The following TNRC6B variants were observed in gnomAD, a reference collection of about 807,000 sequenced individuals.
The protein encoded by TNRC6B is trinucleotide repeat containing adaptor 6B.
TNRC6B carries 52 observed loss-of-function variants against 203.6 expected under a neutral mutation model. The observed-to-expected ratio is 0.26, with a 90% CI of 0.20 to 0.32. TNRC6B has a LOEUF of 0.32. Ranked by LOEUF, TNRC6B falls within the 10% of genes least tolerant of loss-of-function variation. The pLI, the probability that TNRC6B is intolerant of heterozygous loss-of-function variation, is 1.00. For missense variants in TNRC6B, 1,923 were observed against 2,286.2 expected, an observed-to-expected ratio of 0.84 and a Z score of 3.24; for synonymous variants, 838 against 845.7, an observed-to-expected ratio of 0.99 and a Z score of 0.16.
Position 40,266,534 on chromosome 22 carries a change from T to C in TNRC6B, c.2304T>C (p.Pro768=). The C allele has an allele frequency of 6.2e-7, 1 of 1,613,646 alleles. No homozygotes were observed. Among genetic ancestry groups the C allele is most frequent in the Admixed American group, 1.7e-5 (1 of 59,976 alleles). The change falls in exon 5 of 23, where the codon CCT becomes CCC. Residue 768 remains proline (P), a synonymous_variant. Transcript: ENST00000454349. ...ATTGGGAAAGTTCTGCAAGTAAACC[T>C]GTGTCTGGGTGGGGTGAAGGAGGGC... The part of the protein sequence containing the change: ...NSNWESSASK[P]VSGWGEGGQN...
intron 4 of TNRC6B, among the ~76,000 whole-genome samples, chr22:40,165,974 GTT>G (rs1295317957): frequency 8.6e-5 from 13 of 151,918 alleles, no homozygotes; most frequent in African/African-American, 3.1e-4. Context: ...TTTTGTTGTT[GTT>G]TTGTTTTGTT....
chr22:40,149,857 G>A (rs1455076043), intron 3 of TNRC6B, among the ~76,000 whole-genome samples: 1 of 151,920 alleles, frequency 6.6e-6, no homozygotes, highest in East Asian at 1.9e-4. Flanking sequence ...GAAGTACAGT[G>A]GTGCCATCAT....
At chr22:40,210,541 T>G (rs963994395) in intron 1 of TNRC6B, among the ~76,000 whole-genome samples, 2 of 152,234 alleles carry the variant, frequency 1.3e-5, no homozygotes, top group East Asian at 3.8e-4. Context: ...TGGTAAAAAT[T>G]ATTTTCTTTA....
intron 2 of TNRC6B, among the ~76,000 whole-genome samples, chr22:40,120,968 G>A (rs2068438996): frequency 6.6e-6 from 1 of 152,162 alleles, no homozygotes; most frequent in Non-Finnish European, 1.5e-5. Flanking sequence ...AAAAGGGCTG[G>A]ACTATGCAAG....
chr22:40,179,371 A>G (rs1043521279), intron 1 of TNRC6B, among the ~76,000 whole-genome samples: 2 of 151,860 alleles, frequency 1.3e-5, no homozygotes, highest in African/African-American at 4.8e-5. Flanking sequence ...CCCCCTGAGC[A>G]CATCCCTGGC....
intron 1 of TNRC6B, among the ~76,000 whole-genome samples, chr22:40,052,349 A>T (rs182442380): frequency 3.4e-4 from 51 of 152,210 alleles, no homozygotes; most frequent in African/African-American, 1.2e-3. Flanking sequence ...AACCAATAAG[A>T]ATCGGTGTCT....
chr22:40,317,349 G>A (rs538124905), intron 21 of TNRC6B, among the ~76,000 whole-genome samples: 2 of 152,320 alleles, frequency 1.3e-5, no homozygotes, highest in South Asian at 2.1e-4. Context: ...GGAGGCCAAG[G>A]TGGATGGATC....
intron 12 of TNRC6B, 106 bp from the exon 13 acceptor site, chr22:40,300,349 A>C: frequency 8.9e-7 from 1 of 1,126,328 alleles, no homozygotes; most frequent in Non-Finnish European, 1.2e-6. Context: ...AAGTTTGACA[A>C]CTCTTGCTTT....
At chr22:40,144,871 T>C (rs1010865267) in intron 3 of TNRC6B, among the ~76,000 whole-genome samples, 1 of 151,804 alleles carries the variant, frequency 6.6e-6, no homozygotes, top group African/African-American at 2.4e-5. Context: ...CATGTAGAAG[T>C]TTTCTGGGGA....
intron 3 of TNRC6B, among the ~76,000 whole-genome samples, chr22:40,154,077 A>G (rs1476313658): frequency 6.6e-6 from 1 of 151,860 alleles, no homozygotes; most frequent in Non-Finnish European, 1.5e-5. Context: ...TTGAACTCCT[A>G]GGCTCAATTG....
At chr22:40,268,209 C>T (rs1161816847) in intron 5 of TNRC6B, among the ~76,000 whole-genome samples, 4 of 152,156 alleles carry the variant, frequency 2.6e-5, no homozygotes, top group East Asian at 3.9e-4. Flanking sequence ...CCTCAGCCTC[C>T]TGAGTAGTTG....
intron 1 of TNRC6B, among the ~76,000 whole-genome samples, chr22:40,075,206 A>G (rs186006032): frequency 7.2e-5 from 7 of 96,858 alleles, no homozygotes; most frequent in Non-Finnish European, 1.4e-4. Flanking sequence ...CTACATTGAT[A>G]TAATGTAGTT....
chr22:40,148,068 T>C, intron 3 of TNRC6B, among the ~76,000 whole-genome samples: 1 of 152,138 alleles, frequency 6.6e-6, no homozygotes, highest in Admixed American at 6.6e-5. Context: ...ATTTTTTAAA[T>C]GGCCAAAAGA....
In TNRC6B at chr22:40,247,274, G is replaced by C. The variant is rs1273300495; in HGVS notation, c.93+1172G>C. ...GAAAGGTTCGAGGGTCCCTGCCCTG[G>C]TGCTAGTTAATTGAAGCTAAGTTTA... On this transcript the variant is annotated intron_variant, in intron 2 of 22. Transcript: ENST00000454349. 2.0e-5 allele frequency among the ~76,000 whole-genome samples: 3 copies of C among 152,156 alleles called. No homozygotes were observed. The East Asian group carries it at 5.8e-4, about 29-fold the overall frequency.
At chr22:40,248,958 G>A (rs920618463) in intron 2 of TNRC6B, among the ~76,000 whole-genome samples, 6 of 152,126 alleles carry the variant, frequency 3.9e-5, no homozygotes, top group South Asian at 2.1e-4. Context: ...GATTATCTTC[G>A]TGGTTTCCAA....
intron 1 of TNRC6B, among the ~76,000 whole-genome samples, chr22:40,100,944 A>T (rs999819570): frequency 6.6e-6 from 1 of 151,600 alleles, no homozygotes; most frequent in African/African-American, 2.4e-5. Context: ...CATTCTCAGC[A>T]GGTCCCCAAG....
chr22:40,212,411 G>A (rs901845108), intron 1 of TNRC6B, among the ~76,000 whole-genome samples: 7 of 152,214 alleles, frequency 4.6e-5, no homozygotes, highest in African/African-American at 1.4e-4. Context: ...ACATAGTGCT[G>A]TTAGCACTCT....
At chr22:40,153,041 C>T (rs955292495) in intron 3 of TNRC6B, among the ~76,000 whole-genome samples, 1 of 151,922 alleles carries the variant, frequency 6.6e-6, no homozygotes, top group African/African-American at 2.4e-5. Context: ...GGGGAGGCTG[C>T]AATGAGCCAA....
intron 1 of TNRC6B, among the ~76,000 whole-genome samples, chr22:40,238,025 G>A (rs749229905): frequency 2.6e-5 from 4 of 152,118 alleles, no homozygotes; most frequent in African/African-American, 7.2e-5. Flanking sequence ...GATGTAGTTC[G>A]TTGTTTTGAG....
Sources: gnomAD v4.1 joint callset for allele counts (sites outside exome capture counted in the v4.1 genomes callset) on GRCh38, gnomAD v4.1.1 for gene constraint, MANE v1.5 for transcripts, NCBI Gene and HGNC (gene_info 2026-07-23, HGNC 2026-07-21) for gene names.